IPO11: variants seen among roughly 807,000 people sequenced by gnomAD.
IPO11 encodes the protein importin 11.
Under a neutral mutation model 143.2 loss-of-function variants are expected in IPO11, and 66 were observed. The observed-to-expected ratio is 0.46, with a 90% CI of 0.38 to 0.57. IPO11 has a LOEUF of 0.57. Among genes scored for constraint, IPO11 ranks in the 20% least tolerant of loss-of-function variants. The probability of loss-of-function intolerance (pLI) is 0.00; values close to 1 mark genes in which losing one functional copy is unlikely to be tolerated. For missense variants in IPO11, 1,026 were observed against 1,141.0 expected (o/e 0.90, Z 1.45); for synonymous variants, 385 against 377.8 (o/e 1.02, Z -0.22).
chr5:62,483,655 T>G (rs1380270723), intron 10 of IPO11, among the ~76,000 whole-genome samples: 3 of 152,150 alleles, frequency 2.0e-5, no homozygotes, highest in Non-Finnish European at 4.4e-5. Flanking sequence ...ATTGTTGTAT[T>G]ATTTGGAATT....
chr5:62,578,098 A>G (rs1461914731), intron 27 of IPO11, among the ~76,000 whole-genome samples: 1 of 151,972 alleles, frequency 6.6e-6, no homozygotes, highest in Non-Finnish European at 1.5e-5. Context: ...CGCCTCTTTT[A>G]CTCTCCCCAA....
chr5:62,424,542 AG>A, intron 1 of IPO11, among the ~76,000 whole-genome samples: 1 of 150,132 alleles, frequency 6.7e-6, no homozygotes, highest in Non-Finnish European at 1.5e-5. Context: ...CAGCTTCTTG[AG>A]TAGCTGGGAC....
chr5:62,470,427 GT>G (rs1418037261), intron 7 of IPO11, 119 bp downstream of exon 7: 3 of 863,156 alleles, frequency 3.5e-6, no homozygotes, highest in Admixed American at 2.2e-5. Context: ...TGACCATCTA[GT>G]TTTTTACCAT....
intron 29 of IPO11, among the ~76,000 whole-genome samples, chr5:62,622,460 G>C (rs542116274): frequency 7.2e-5 from 11 of 152,260 alleles, no homozygotes; most frequent in African/African-American, 2.6e-4. Context: ...CCTGTACCTA[G>C]CAGAAGCCTT....
At chr5:62,465,713 T>G (rs1745550444) in intron 5 of IPO11, among the ~76,000 whole-genome samples, 1 of 152,244 alleles carries the variant, frequency 6.6e-6, no homozygotes, top group African/African-American at 2.4e-5. Context: ...TTGTGAAGTA[T>G]ACACACAAGA....
intron 27 of IPO11, among the ~76,000 whole-genome samples, chr5:62,588,866 C>G (rs961972257): frequency 2.6e-5 from 4 of 152,188 alleles, no homozygotes; most frequent in Non-Finnish European, 5.9e-5. Context: ...ATCTTTTTGT[C>G]TTTGGTCAAG....
intron 4 of IPO11, 152 bp from the exon 5 acceptor site, chr5:62,451,578 A>G (rs1744926044): frequency 4.5e-6 from 3 of 666,132 alleles, no homozygotes; most frequent in Non-Finnish European, 7.7e-6. Flanking sequence ...CCAGGGGTCC[A>G]TGGGCCACAC....
At chr5:62,482,592 G>C (rs185860881) in intron 9 of IPO11, among the ~76,000 whole-genome samples, 1 of 152,146 alleles carries the variant, frequency 6.6e-6, no homozygotes, top group Non-Finnish European at 1.5e-5. Context: ...ATCATCATTT[G>C]CCTAGATCCA....
intron 27 of IPO11, among the ~76,000 whole-genome samples, chr5:62,571,596 C>T (rs1744132503): frequency 6.6e-6 from 1 of 151,924 alleles, no homozygotes; most frequent in African/African-American, 2.4e-5. Context: ...ACTAATAGAA[C>T]ACATAATTTG....
intron 1 of IPO11, among the ~76,000 whole-genome samples, chr5:62,433,269 G>A (rs1190559308): frequency 6.6e-6 from 1 of 151,748 alleles, no homozygotes; most frequent in Non-Finnish European, 1.5e-5. Context: ...CAAATATTCT[G>A]AAGAACATTG....
intron 12 of IPO11, 140 bp from the exon 13 acceptor site, chr5:62,487,631 C>CTTT (rs5868310): frequency 1.5e-4 from 112 of 738,268 alleles, no homozygotes; most frequent in African/African-American, 5.3e-4. Flanking sequence ...GGTAACCTTA[C>CTTT]TTTTTTTTTT....
chr5:62,418,029 A>T (rs563111196), intron 1 of IPO11, among the ~76,000 whole-genome samples: 98 of 152,292 alleles, frequency 6.4e-4, no homozygotes, highest in Non-Finnish European at 1.5e-5. Context: ...TTTCACTCGT[A>T]GCCCAGGCTA....
chr5:62,433,887 G>T (rs1401458450), intron 1 of IPO11, among the ~76,000 whole-genome samples: 1 of 151,986 alleles, frequency 6.6e-6, no homozygotes, highest in Non-Finnish European at 1.5e-5. Context: ...GCAAGGCTGT[G>T]ACTTTTATCT....
rs1744175483 is a variant in IPO11 at position 62,435,217 on chromosome 5, T to C, written c.-6-2057T>C. 2.8e-5 allele frequency among the ~76,000 whole-genome samples: 4 copies of C among 142,588 alleles called. No homozygotes were observed. The South Asian group carries it at 8.4e-4, about 30-fold the overall frequency. The allele number at this position is 142,588 out of a possible 152,430, so 93.5% of individuals were successfully genotyped here. A position where few individuals can be genotyped will look rare whatever the true frequency, so the allele number is the denominator to read the frequency against. ...ATATATATGTATATATATGTGTATA[T>C]ATATATATATCAGAGCAGCTGTAGT... is the stretch of plus-strand genomic sequence containing the variant. On this transcript the variant is annotated intron_variant, in intron 1 of 29. Transcript: ENST00000325324.
chr5:62,532,849 G>A (rs890793854), intron 22 of IPO11, among the ~76,000 whole-genome samples: 3 of 151,926 alleles, frequency 2.0e-5, no homozygotes, highest in Non-Finnish European at 2.9e-5. Flanking sequence ...ACCATTGACC[G>A]GCTCTTCAGG....
chr5:62,624,609 T>G (rs1340504786), intron 29 of IPO11, among the ~76,000 whole-genome samples: 1 of 152,084 alleles, frequency 6.6e-6, no homozygotes, highest in Non-Finnish European at 1.5e-5. Flanking sequence ...AACTCCTATC[T>G]CATCTTATGA....
chr5:62,439,058 C>CAA (rs201729033), intron 2 of IPO11, among the ~76,000 whole-genome samples: 1 of 73,702 alleles, frequency 1.4e-5, no homozygotes, highest in Non-Finnish European at 2.8e-5. Context: ...GACTCCATCT[C>CAA]AAAAAAAAAA....
intron 20 of IPO11, among the ~76,000 whole-genome samples, chr5:62,525,263 A>G (rs1039820255): frequency 1.3e-5 from 2 of 152,190 alleles, no homozygotes; most frequent in Non-Finnish European, 2.9e-5. Flanking sequence ...ATTTAAAAAA[A>G]TTCTTTGACA....
chr5:62,513,266 ACCCC>A (rs1422815278), intron 19 of IPO11, among the ~76,000 whole-genome samples: 1 of 134,646 alleles, frequency 7.4e-6, no homozygotes, highest in Non-Finnish European at 1.6e-5. Context: ...CGGGGGGCTG[ACCCC>A]CCCACCTCCC....
Sources: allele counts gnomAD v4.1 joint callset (sites outside exome capture counted in the v4.1 genomes callset), GRCh38; gene constraint gnomAD v4.1.1; transcripts MANE v1.5; gene names NCBI Gene and HGNC (gene_info 2026-07-23, HGNC 2026-07-21).